The following CDC5L variants were observed in gnomAD, a reference collection of about 807,000 sequenced individuals.
CDC5L encodes cell division cycle 5 like, also known as cell division cycle 5-like protein.
Under a neutral mutation model 104.1 loss-of-function variants are expected in CDC5L, and 18 were observed. The observed-to-expected ratio is 0.17, with a 90% CI of 0.12 to 0.26. The LOEUF is 0.26. Ranked by LOEUF, CDC5L falls within the 10% of genes least tolerant of loss-of-function variation. CDC5L has a pLI of 1.00. For missense variants in CDC5L, 673 were observed against 956.9 expected (o/e 0.70, Z 3.91); for synonymous variants, 331 against 322.7 (o/e 1.03, Z -0.28).
At chr6:44,393,610 A>T in intron 4 of CDC5L, 37 bp downstream of exon 4, 5 of 1,594,754 alleles carry the variant, frequency 3.1e-6, no homozygotes, top group Non-Finnish European at 4.3e-6. Context: ...TTCTTTGGTA[A>T]CTGTAAACTC....
chr6:44,409,508 A>G (rs986913093), intron 8 of CDC5L, among the ~76,000 whole-genome samples: 7 of 152,254 alleles, frequency 4.6e-5, no homozygotes, highest in Admixed American at 1.3e-4. Context: ...ACAAATATGT[A>G]ATATTCGTAC....
intron 2 of CDC5L, among the ~76,000 whole-genome samples, chr6:44,392,356 A>G (rs1790661265): frequency 6.6e-6 from 1 of 152,246 alleles, no homozygotes; most frequent in Non-Finnish European, 1.5e-5. Context: ...TTGTCTTCCA[A>G]ATATTTCAAA....
chr6:44,403,314 C>G (rs546404232), intron 5 of CDC5L, among the ~76,000 whole-genome samples: 40 of 149,706 alleles, frequency 2.7e-4, no homozygotes, highest in African/African-American at 8.3e-4. Context: ...GCTCTTTTTA[C>G]ACCCTTTGAG....
chr6:44,407,538 G>A (rs1213940773), intron 7 of CDC5L, among the ~76,000 whole-genome samples: 1 of 152,164 alleles, frequency 6.6e-6, no homozygotes, highest in Non-Finnish European at 1.5e-5. Flanking sequence ...TGTTGGCCAG[G>A]ATGGTCTTGA....
At chr6:44,423,169 T>A (rs1326477210) in intron 10 of CDC5L, among the ~76,000 whole-genome samples, 1 of 152,136 alleles carries the variant, frequency 6.6e-6, no homozygotes, top group Non-Finnish European at 1.5e-5. Flanking sequence ...CAGAAATCAT[T>A]GTGAAATTAA....
rs781761929 is a variant in CDC5L at position 44,403,908 on chromosome 6, A to C, written c.639A>C (p.Glu213Asp). The change falls in exon 6 of 16, where the codon GAA (glutamate) becomes GAC (aspartate). Residue 213 changes from glutamate to aspartate, a missense_variant. Glu to Asp is a conservative substitution (Grantham distance 45). Around this residue, in one of 4 missense-constraint regions of CDC5L, gnomAD observed 578 missense variants for 737.0 expected, o/e 0.78. Coordinates refer to ENST00000371477, the MANE Select transcript of CDC5L (RefSeq NM_001253.4). Reference sequence around the variant, plus strand: ...AGAGAGGAGTTGATTATAATGCCGAAATCCCATTTGAAAAAAAGCCTGCCC... The same window carrying C: ...AGAGAGGAGTTGATTATAATGCCGACATCCCATTTGAAAAAAAGCCTGCCC... Reference protein sequence around the residue: ...KRKRGVDYNAEIPFEKKPALG... With the variant: ...KRKRGVDYNADIPFEKKPALG... 39 of 1,613,634 alleles carry C rather than the reference A, an allele frequency of 2.4e-5. No homozygotes were observed. Among genetic ancestry groups the C allele is most frequent in the Non-Finnish European group, 3.1e-5 (36 of 1,179,712 alleles).
chr6:44,435,332 T>G (rs957085785), intron 14 of CDC5L, among the ~76,000 whole-genome samples: 5 of 152,032 alleles, frequency 3.3e-5, no homozygotes, highest in Non-Finnish European at 7.4e-5. Flanking sequence ...ATTTAGAATT[T>G]TAAAATACAA....
chr6:44,441,404 T>A (rs1793183580), intron 14 of CDC5L, among the ~76,000 whole-genome samples: 1 of 152,240 alleles, frequency 6.6e-6, no homozygotes. Context: ...TTGTGGATAA[T>A]GCTGTAAAGA....
chr6:44,424,339 A>G (rs1382928442), intron 10 of CDC5L, 80 bp from the exon 11 acceptor site: 3 of 1,247,664 alleles, frequency 2.4e-6, no homozygotes, highest in African/African-American at 1.5e-5. Flanking sequence ...CTGTTGTGCT[A>G]TCAATTTTTA....
chr6:44,389,428 T>A (rs1157486282), intron 1 of CDC5L, among the ~76,000 whole-genome samples: 2 of 152,182 alleles, frequency 1.3e-5, no homozygotes, highest in Non-Finnish European at 2.9e-5. Flanking sequence ...GGCACGTACC[T>A]CAAATCCAAT....
chr6:44,430,729 C>T (rs11572037), intron 14 of CDC5L, among the ~76,000 whole-genome samples: 116 of 152,034 alleles, frequency 7.6e-4, no homozygotes, highest in African/African-American at 2.4e-3. Context: ...CGCCCCACCA[C>T]GCCCAGTTAA....
At chr6:44,403,669 T>C in intron 5 of CDC5L, 140 bp from the exon 6 acceptor site, 1 of 627,778 alleles carries the variant, frequency 1.6e-6, no homozygotes. Context: ...CTAGGATTTG[T>C]TTTGGTGAAT....
At chr6:44,404,114 AT>A in intron 6 of CDC5L, 87 bp downstream of exon 6, 3 of 763,154 alleles carry the variant, frequency 3.9e-6, no homozygotes, top group South Asian at 2.7e-5. Flanking sequence ...TCAGAGCCAG[AT>A]TTTTATTATT....
intron 9 of CDC5L, among the ~76,000 whole-genome samples, chr6:44,421,172 C>A (rs1478857676): frequency 6.6e-6 from 1 of 152,226 alleles, no homozygotes; most frequent in Non-Finnish European, 1.5e-5. Flanking sequence ...TATCCATCCA[C>A]CAATCCATCA....
chr6:44,396,924 A>G (rs2153375351), intron 5 of CDC5L, among the ~76,000 whole-genome samples: 1 of 152,358 alleles, frequency 6.6e-6, no homozygotes, highest in Middle Eastern at 3.4e-3. Context: ...AAGTTGGGAT[A>G]TGCCACCCTC....
intron 14 of CDC5L, among the ~76,000 whole-genome samples, chr6:44,444,321 G>A (rs1038682143): frequency 3.3e-5 from 5 of 152,222 alleles, no homozygotes; most frequent in African/African-American, 1.2e-4. Flanking sequence ...CTGTGGTTTA[G>A]GGAGATTCAG....
Position 44,387,741 on chromosome 6 carries a change from G to A in CDC5L, c.-83G>A. The A allele has an allele frequency of 8.0e-6, 10 of 1,252,726 alleles. No individual in the cohort carries two copies. The highest frequency in any genetic ancestry group is 9.1e-6 in the Non-Finnish European group (8 of 878,348). The allele number at this position is 1,252,726 out of a possible 1,614,324, so 77.6% of individuals were successfully genotyped here. ...GAAGGTCGCGCTTGGAGGAAGTGGC[G>A]GCTTTGAGTCCGGTGGCCCAATCGC... On this transcript the variant is annotated 5_prime_UTR_variant, in exon 1 of 16. Transcript: ENST00000371477.
intron 14 of CDC5L, among the ~76,000 whole-genome samples, chr6:44,442,988 G>A (rs932449293): frequency 1.5e-5 from 2 of 134,534 alleles, no homozygotes; most frequent in East Asian, 2.2e-4. Context: ...GGGTTGCTGG[G>A]TATAGTATTC....
chr6:44,421,930 G>T (rs1355524777), intron 9 of CDC5L, among the ~76,000 whole-genome samples: 1 of 152,030 alleles, frequency 6.6e-6, no homozygotes, highest in Admixed American at 6.6e-5. Flanking sequence ...TTGGGGGTGG[G>T]AACCATGTCT....
Sources: allele counts gnomAD v4.1 joint callset (sites outside exome capture counted in the v4.1 genomes callset), GRCh38; gene constraint gnomAD v4.1.1; regional missense constraint gnomAD v4.1.1; transcripts MANE v1.5; gene names NCBI Gene and HGNC (gene_info 2026-07-23, HGNC 2026-07-21).